C17orf58: variants seen among roughly 807,000 people sequenced by gnomAD.
C17orf58 encodes the protein chromosome 17 open reading frame 58, also known as UPF0450 protein C17orf58.
C17orf58 carries 5 observed loss-of-function variants against 7.4 expected under a neutral mutation model. That is an observed-to-expected ratio of 0.67 (90% CI 0.35 to 1.42). The LOEUF (loss-of-function observed/expected upper bound fraction) is 1.42, where lower values mean the gene tolerates loss of function less well. Ranked by LOEUF, C17orf58 falls within the 40% of genes most tolerant of loss-of-function variation. The pLI, the probability that C17orf58 is intolerant of heterozygous loss-of-function variation, is 0.04. For synonymous variants in C17orf58, 60 were observed against 70.6 expected (o/e 0.85, Z 0.75); for missense variants, 162 against 174.2 (o/e 0.93, Z 0.40).
rs1486539527 is a variant in C17orf58, at chr17:67,996,418, A to C, written c.-220T>G. 4 of 356,900 alleles carry C rather than the reference A, an allele frequency of 1.1e-5. No homozygotes were observed. Among genetic ancestry groups the C allele is most frequent in the African/African-American group, 8.5e-5 (4 of 47,300 alleles). The allele number at this position is 356,900 out of a possible 1,614,324, so 22.1% of individuals were successfully genotyped here. Reference sequence around the variant, plus strand: ...GGAGGACGAGCACATGGCCTTGCAAAGTTGTCCCCGGGAATGTCTGTCCTG... The same window carrying C: ...GGAGGACGAGCACATGGCCTTGCAACGTTGTCCCCGGGAATGTCTGTCCTG... On this transcript the variant is annotated 5_prime_UTR_variant, in exon 1 of 4. Transcript: ENST00000580729.
At position 67,993,319 on chromosome 17, in the gene C17orf58, A is replaced by T; in HGVS notation, c.638-84T>A. 1 of 843,054 alleles carries T rather than the reference A, an allele frequency of 1.2e-6. No homozygotes were observed. Among genetic ancestry groups the T allele is most frequent in the South Asian group, 1.8e-5 (1 of 56,818 alleles). 52.2% of individuals were successfully genotyped at this position (843,054 alleles called of 1,614,324 possible). On this transcript the variant is annotated intron_variant, in intron 2 of 3. Coordinates refer to ENST00000580729, the MANE Select transcript of C17orf58 (RefSeq NM_001382359.1). The surrounding 1 kb of genome is among the most constrained non-coding windows in gnomAD (Gnocchi z 5.1). ...CAGGAGGTGGTTTTTAGCAACCGCG[A>T]AACGGCCCGCACGGGTCAGGCGCCC...
At chr17:67,992,828 C>T (rs2070847562) in intron 3 of C17orf58, 8 of 1,519,180 alleles carry the variant, frequency 5.3e-6, no homozygotes, top group South Asian at 2.6e-5. Flanking sequence ...CCGCTTTGTG[C>T]CAACCCTTGC....
chr17:67,992,109 C>T lies in C17orf58; in HGVS notation c.830-6G>A. The T allele has an allele frequency of 1.3e-6, 2 of 1,544,956 alleles. No individual in the cohort carries two copies. On this transcript the variant is annotated splice_polypyrimidine_tract_variant and splice_region_variant and intron_variant, in intron 3 of 3. Coordinates refer to ENST00000580729, the MANE Select transcript of C17orf58 (RefSeq NM_001382359.1). ...CATCACAATATACCTGCTGCCTGGACAAAATAACCAGAACATTAATTCATA... is the reference window on the plus strand; with the variant it reads ...CATCACAATATACCTGCTGCCTGGATAAAATAACCAGAACATTAATTCATA...
Position 67,991,896 on chromosome 17 carries a change from A to G in C17orf58, c.*17T>C, listed in dbSNP as rs782485165. 7 of 1,577,974 alleles carry G rather than the reference A, an allele frequency of 4.4e-6. No homozygotes were observed. The East Asian group carries it at 1.6e-4, about 36-fold the overall frequency. Reference sequence around the variant, plus strand: ...CGTCCAAGTCTCTTGCGGTCCAGAAATGCCAGGATGGTTGTTTCAAATGCA... The same window carrying G: ...CGTCCAAGTCTCTTGCGGTCCAGAAGTGCCAGGATGGTTGTTTCAAATGCA... On this transcript the variant is annotated 3_prime_UTR_variant, in exon 4 of 4. Transcript: ENST00000580729.
rs190313223 is a variant in C17orf58 at position 67,992,921 on chromosome 17, A to G, written c.829+123T>C. On this transcript the variant is annotated intron_variant, in intron 3 of 3. Coordinates refer to ENST00000580729, the MANE Select transcript of C17orf58 (RefSeq NM_001382359.1). ...AATACCTGTCGTCTAAATCCCATTC[A>G]TGTCATTGTTTCCCATCGCTCCCAA... The G allele has an allele frequency of 8.4e-3, 13,596 of 1,613,982 alleles. 80 individuals carry two copies. The highest frequency in any genetic ancestry group is 0.018 in the Middle Eastern group (108 of 6,062).
At position 67,996,201 on chromosome 17, in the gene C17orf58, T is replaced by C; in HGVS notation, c.-3A>G. 1 of 399,068 alleles carries C rather than the reference T, an allele frequency of 2.5e-6. No homozygotes were observed. 24.7% of individuals were successfully genotyped at this position (399,068 alleles called of 1,614,324 possible). The stretch of plus-strand genomic sequence containing the variant: ...AGCCAGAAAGCTCTAGCTGTCATTT[T>C]TGCAGACAGGGTTCCCAGGCTCTAA... On this transcript the variant is annotated 5_prime_UTR_variant, in exon 1 of 4. Transcript: ENST00000580729.
chr17:67,993,563 C>CGCGGGT lies in C17orf58; in HGVS notation c.492_497dup (p.Ala168_Pro169dup), dbSNP rs2148737303. ...GGCTGAAGCGCGGCGGCGGCGCGGG[C>CGCGGGT]GCGGGTCCCGGGGCCAGCGCGGCGG... On this transcript the variant is annotated inframe_insertion, in exon 2 of 4. Coordinates refer to ENST00000580729, the MANE Select transcript of C17orf58 (RefSeq NM_001382359.1). This position sits in a 1 kb window ranked among gnomAD's most constrained non-coding sequence, Gnocchi z 5.1. 3.7e-6 allele frequency: 1 copy of CGCGGGT among 273,728 alleles called. No individual in the cohort carries two copies. The highest frequency in any genetic ancestry group is 1.5e-4 in the South Asian group (1 of 6,738). 17.0% of individuals were successfully genotyped at this position (273,728 alleles called of 1,614,324 possible).
chr17:67,991,691 G>A lies in C17orf58; in HGVS notation c.*222C>T. On this transcript the variant is annotated 3_prime_UTR_variant, in exon 4 of 4. Transcript: ENST00000580729. ...GTGTAAATCATTGTCTGGCACTACAGTTGAATCACCTTGACACTGAGCTCA... is the reference window on the plus strand; with the variant it reads ...GTGTAAATCATTGTCTGGCACTACAATTGAATCACCTTGACACTGAGCTCA... 1 of 375,252 alleles carries A rather than the reference G, an allele frequency of 2.7e-6. No individual in the cohort carries two copies. The highest frequency in any genetic ancestry group is 4.8e-6 in the Non-Finnish European group (1 of 208,540). 23.2% of individuals were successfully genotyped at this position (375,252 alleles called of 1,614,324 possible).
Position 67,993,839 on chromosome 17 carries a change from G to C in C17orf58, c.222C>G (p.Asp74Glu). 3.1e-6 allele frequency: 1 copy of C among 322,426 alleles called. No homozygotes were observed. Among genetic ancestry groups the C allele is most frequent in the Non-Finnish European group, 5.5e-6 (1 of 180,528 alleles). The allele number at this position is 322,426 out of a possible 1,614,324, so 20.0% of individuals were successfully genotyped here. A position where few individuals can be genotyped will look rare whatever the true frequency, so the allele number is the denominator to read the frequency against. ...EVAPAARAWP[D>E]PRRRKPPPPA... is the part of the protein sequence containing the mutation. The stretch of plus-strand genomic sequence containing the variant: ...GCGGTGGGGGCTTCCGGCGGCGCGG[G>C]TCAGGCCAGGCGCGGGCGGCGGGAG... Residue 74 changes from aspartate to glutamate, a missense_variant, in exon 2 of 4, where the codon GAC becomes GAG. Physicochemically the swap from Asp to Glu is conservative, Grantham distance 45. Transcript: ENST00000580729. This position sits in a 1 kb window ranked among gnomAD's most constrained non-coding sequence, Gnocchi z 5.1.
At chr17:67,994,545 A>G (rs1251529638) in intron 1 of C17orf58, among the ~76,000 whole-genome samples, 1 of 75,070 alleles carries the variant, frequency 1.3e-5, no homozygotes, top group Non-Finnish European at 3.4e-5. Context: ...TAAAACATAT[A>G]TAAACATCCG....
In C17orf58 at chr17:67,993,415, C is replaced by T; in HGVS notation, c.637+9G>A. 1 of 562,454 alleles carries T rather than the reference C, an allele frequency of 1.8e-6. No individual in the cohort carries two copies. 34.8% of individuals were successfully genotyped at this position (562,454 alleles called of 1,614,324 possible). On this transcript the variant is annotated intron_variant, in intron 2 of 3. Transcript: ENST00000580729. The surrounding 1 kb of genome is among the most constrained non-coding windows in gnomAD (Gnocchi z 5.1). ...GGCGGCGGGGCGGCGGCGCGGCGGC[C>T]GGGCTCACCGAATTCGCTCTCGCAG...
At chr17:67,992,183 G>A in intron 3 of C17orf58, 80 bp from the exon 4 acceptor site, 3 of 1,198,558 alleles carry the variant, frequency 2.5e-6, no homozygotes, top group Admixed American at 2.5e-5. Context: ...TTTAAGAAAC[G>A]CCTAAGCTGC....
intron 3 of C17orf58, chr17:67,992,840 G>C (rs1473332833): frequency 4.9e-5 from 76 of 1,563,544 alleles, no homozygotes; most frequent in Admixed American, 9.3e-5. Flanking sequence ...AACCCTTGCT[G>C]TTCTCACCCT....
At position 67,993,073 on chromosome 17, in the gene C17orf58, C is replaced by T; in HGVS notation, c.800G>A (p.Cys267Tyr). ...VHMLALDSSS[C>Y]NKPCPEFKPG... ...TTTAAACTCTGGACACGGCTTATTG[C>T]AGCTGGAGGAGTCCAGGGCTAACAT... is the stretch of plus-strand genomic sequence containing the variant. Residue 267 changes from cysteine (C) to tyrosine (Y), a missense_variant, in exon 3 of 4, where the codon TGC (cysteine) becomes TAC (tyrosine). By Grantham distance (194) the Cys-to-Tyr change is radical (BLOSUM62 -2). Transcript: ENST00000580729. This position sits in a 1 kb window ranked among gnomAD's most constrained non-coding sequence, Gnocchi z 5.1. 1 of 1,614,164 alleles carries T rather than the reference C, an allele frequency of 6.2e-7. No homozygotes were observed. The highest frequency in any genetic ancestry group is 8.5e-7 in the Non-Finnish European group (1 of 1,180,016).
At position 67,991,534 on chromosome 17, in the gene C17orf58, A is replaced by C. The variant is rs2070830304; in HGVS notation, c.*379T>G. 2 of 154,734 alleles carry C rather than the reference A, an allele frequency of 1.3e-5. No homozygotes were observed. The highest frequency in any genetic ancestry group is 2.4e-5 in the African/African-American group (1 of 41,550). 9.6% of individuals were successfully genotyped at this position (154,734 alleles called of 1,614,324 possible). A position where few individuals can be genotyped will look rare whatever the true frequency, so the allele number is the denominator to read the frequency against. On this transcript the variant is annotated 3_prime_UTR_variant, in exon 4 of 4. Transcript: ENST00000580729. ...AATATAAAATCTGGTTTGATACATG[A>C]TATAAAAGTTGTATATTTAAATTCA...
At position 67,992,004 on chromosome 17, in the gene C17orf58, C is replaced by G. The variant is rs782665596; in HGVS notation, c.929G>C (p.Gly310Ala). 2.5e-6 allele frequency: 4 copies of G among 1,613,086 alleles called. No homozygotes were observed. The African/African-American group carries it at 5.3e-5, about 22-fold the overall frequency. Residue 310 changes from glycine to alanine, a missense_variant, in exon 4 of 4, where the codon GGA becomes GCA. Physicochemically the swap from Gly to Ala is moderately conservative, Grantham distance 60. Around this residue, in one of 3 missense-constraint regions of C17orf58, gnomAD observed 65 missense variants for 66.4 expected, o/e 0.98. Coordinates refer to ENST00000580729, the MANE Select transcript of C17orf58 (RefSeq NM_001382359.1). ...ATAGCTGCTGCTGCTCCTTAGCAGT[C>G]CATCCCCTGGACGGAGGCGGCCTCT... ...VLRGRLRPGD[G>A]LLRSSSSYVK...
intron 1 of C17orf58, among the ~76,000 whole-genome samples, chr17:67,994,535 T>TATATATATATATATATATATATATAA (rs71142122): frequency 1.8e-4 from 18 of 100,138 alleles, no homozygotes; most frequent in Admixed American, 5.2e-4. Context: ...TATATATATA[T>TATATATATATATATATATATATATAA]AAAACATATA....
Position 67,993,286 on chromosome 17 carries a change from C to G in C17orf58, c.638-51G>C, listed in dbSNP as rs1413742545. On this transcript the variant is annotated intron_variant, in intron 2 of 3. Transcript: ENST00000580729. The surrounding 1 kb of genome is among the most constrained non-coding windows in gnomAD (Gnocchi z 5.1). Reference sequence around the variant, plus strand: ...AGAGCATTACCCCGAGTTCCTCTCCCAGTCCCCCAGGAGGTGGTTTTTAGC... The same window carrying G: ...AGAGCATTACCCCGAGTTCCTCTCCGAGTCCCCCAGGAGGTGGTTTTTAGC... The G allele has an allele frequency of 2.5e-6, 3 of 1,176,732 alleles. No homozygotes were observed. The African/African-American group carries it at 4.6e-5, about 18-fold the overall frequency. 72.9% of individuals were successfully genotyped at this position (1,176,732 alleles called of 1,614,324 possible).
In C17orf58 at chr17:67,992,223, C is replaced by T. The variant is rs2070840404; in HGVS notation, c.830-120G>A. ...TATTATCTTGCTGCACAAGTTGAAA[C>T]TGATATTGAGTCTACAGGCATCTGG... On this transcript the variant is annotated intron_variant, in intron 3 of 3. Transcript: ENST00000580729. The T allele has an allele frequency of 2.2e-6, 2 of 899,808 alleles. 1 individual carries two copies. The highest frequency in any genetic ancestry group is 4.4e-5 in the South Asian group (2 of 45,378). The allele number at this position is 899,808 out of a possible 1,614,324, so 55.7% of individuals were successfully genotyped here.
Sources: allele counts gnomAD v4.1 joint callset (sites outside exome capture counted in the v4.1 genomes callset), GRCh38; gene constraint gnomAD v4.1.1; regional missense constraint gnomAD v4.1.1; non-coding constraint Gnocchi (gnomAD v3.1); transcripts MANE v1.5; gene names NCBI Gene and HGNC (gene_info 2026-07-23, HGNC 2026-07-21).